Variants in IQCM observed in about 807,000 individuals in gnomAD.
IQCM encodes IQ domain-containing protein M.
IQCM carries 45 observed loss-of-function variants against 57.6 expected under a neutral mutation model. The ratio of observed to expected loss-of-function variants is 0.78; its 90% CI spans 0.62 to 1.00. The LOEUF is 1.00. IQCM is among the 50% of genes least tolerant of loss of function. IQCM has a pLI of 0.00. For synonymous variants in IQCM, 148 were observed against 158.9 expected (o/e 0.93, Z 0.51); for missense variants, 468 against 511.6 (o/e 0.91, Z 0.82).
intron 12 of IQCM, among the ~76,000 whole-genome samples, chr4:149,517,921 G>A (rs924544399): frequency 6.6e-6 from 1 of 152,128 alleles, no homozygotes; most frequent in Non-Finnish European, 1.5e-5. Flanking sequence ...CCTTGTGATT[G>A]TGTGAGTTAA....
chr4:149,764,040 G>T (rs1001288391), intron 2 of IQCM, among the ~76,000 whole-genome samples: 1 of 152,084 alleles, frequency 6.6e-6, no homozygotes, highest in Non-Finnish European at 1.5e-5. Flanking sequence ...CTGGAATCAA[G>T]TACTTGAATC....
At chr4:149,495,628 G>A (rs1046523449) in intron 12 of IQCM, among the ~76,000 whole-genome samples, 3 of 152,026 alleles carry the variant, frequency 2.0e-5, no homozygotes, top group South Asian at 2.1e-4. Flanking sequence ...CTGGGATGGC[G>A]AAAAAGCTAC....
At chr4:149,693,696 C>T (rs999067721) in intron 5 of IQCM, among the ~76,000 whole-genome samples, 2 of 152,124 alleles carry the variant, frequency 1.3e-5, no homozygotes, top group Non-Finnish European at 2.9e-5. Flanking sequence ...TCTAATTTAA[C>T]ATCACAGTAG....
At chr4:149,762,629 T>C (rs1303806129) in intron 2 of IQCM, among the ~76,000 whole-genome samples, 1 of 152,084 alleles carries the variant, frequency 6.6e-6, no homozygotes, top group Non-Finnish European at 1.5e-5. Context: ...AGACAATCAA[T>C]GCCAGGAGCG....
chr4:149,815,503 G>T (rs1318759827), intron 1 of IQCM, 97 bp downstream of exon 1: 1 of 150,136 alleles, frequency 6.7e-6, no homozygotes, highest in Middle Eastern at 3.2e-3. Context: ...AATTCCATGA[G>T]AAAAAAAAAT....
chr4:149,662,891 C>A (rs963805969), intron 7 of IQCM, among the ~76,000 whole-genome samples: 2 of 151,884 alleles, frequency 1.3e-5, no homozygotes, highest in African/African-American at 2.4e-5. Flanking sequence ...GGGATTTAAC[C>A]CATTTACATT....
chr4:149,414,147 T>A (rs1733583644), intron 13 of IQCM, among the ~76,000 whole-genome samples: 1 of 152,184 alleles, frequency 6.6e-6, no homozygotes, highest in Admixed American at 6.5e-5. Context: ...TTATTTATCA[T>A]CTCCTCTCTT....
intron 2 of IQCM, among the ~76,000 whole-genome samples, chr4:149,768,730 G>T (rs1770285319): frequency 6.6e-6 from 1 of 151,940 alleles, no homozygotes; most frequent in Non-Finnish European, 1.5e-5. Context: ...AGAGACCAAA[G>T]ATCATTAGGG....
At chr4:149,807,274 G>A (rs763937512) in intron 2 of IQCM, among the ~76,000 whole-genome samples, 3 of 151,756 alleles carry the variant, frequency 2.0e-5, no homozygotes, top group Admixed American at 6.6e-5. Flanking sequence ...AAAAAGCTAC[G>A]GTAATCAAAA....
At chr4:149,471,649 C>G (rs1739561663) in intron 12 of IQCM, among the ~76,000 whole-genome samples, 1 of 152,090 alleles carries the variant, frequency 6.6e-6, no homozygotes, top group Non-Finnish European at 1.5e-5. Context: ...GATACCAAAG[C>G]CTGGCAGAGA....
chr4:149,510,811 C>T (rs1438714366), intron 12 of IQCM, among the ~76,000 whole-genome samples: 1 of 152,018 alleles, frequency 6.6e-6, no homozygotes, highest in Non-Finnish European at 1.5e-5. Context: ...CATAGAGTGC[C>T]CTTCTCATCA....
intron 7 of IQCM, among the ~76,000 whole-genome samples, chr4:149,668,929 A>G (rs1760989920): frequency 6.6e-6 from 1 of 152,174 alleles, no homozygotes; most frequent in Non-Finnish European, 1.5e-5. Flanking sequence ...ATAGAGAGCA[A>G]GTACCTAAAT....
intron 8 of IQCM, among the ~76,000 whole-genome samples, chr4:149,608,659 C>T (rs977489765): frequency 6.6e-6 from 1 of 151,612 alleles, no homozygotes; most frequent in East Asian, 1.9e-4. Flanking sequence ...TCCCAAATGA[C>T]TAGTGGGTCA....
chr4:149,500,439 A>G (rs565926469), intron 12 of IQCM, among the ~76,000 whole-genome samples: 1 of 152,288 alleles, frequency 6.6e-6, no homozygotes, highest in Non-Finnish European at 1.5e-5. Context: ...ATTAACATTT[A>G]AGTGTATGAA....
intron 11 of IQCM, among the ~76,000 whole-genome samples, chr4:149,550,163 T>G (rs552071667): frequency 6.6e-6 from 1 of 152,304 alleles, no homozygotes; most frequent in Non-Finnish European, 1.5e-5. Flanking sequence ...AACCACTGAC[T>G]CAGGGGAGTT....
chr4:149,703,031 G>C (rs1403887748), intron 5 of IQCM, among the ~76,000 whole-genome samples: 3 of 151,868 alleles, frequency 2.0e-5, no homozygotes, highest in African/African-American at 7.2e-5. Context: ...AAGAAAAGCT[G>C]ATCAAGACGG....
intron 5 of IQCM, among the ~76,000 whole-genome samples, chr4:149,726,018 A>C (rs1765858234): frequency 6.6e-6 from 1 of 150,950 alleles, no homozygotes; most frequent in Admixed American, 6.6e-5. Flanking sequence ...TTAGGCAAAG[A>C]CAGTTTCTTC....
At chr4:149,768,342 C>T (rs547433396) in intron 2 of IQCM, among the ~76,000 whole-genome samples, 5 of 152,080 alleles carry the variant, frequency 3.3e-5, no homozygotes, top group Non-Finnish European at 5.9e-5. Flanking sequence ...AGTTAGAATT[C>T]GAAAATTTTA....
Position 149,386,886 on chromosome 4 carries a change from A to G in IQCM, c.1391-34820T>C, listed in dbSNP as rs575993488. Among the ~76,000 whole-genome samples the G allele has an allele frequency of 5.3e-5, 8 of 152,164 alleles. No homozygotes were observed. In the East Asian group the frequency reaches 1.5e-3, roughly 29 times the overall value. On this transcript the variant is annotated intron_variant, in intron 13 of 13. Coordinates refer to ENST00000636793, the MANE Select transcript of IQCM (RefSeq NM_001363507.2). ...TCAGCTGTCAGCTCAAAAGGTTTTA[A>G]TAGGTTCAGATTTAATATCTTTTTG...
Sources: allele counts gnomAD v4.1 joint callset (sites outside exome capture counted in the v4.1 genomes callset), GRCh38; gene constraint gnomAD v4.1.1; transcripts MANE v1.5; gene names NCBI Gene and HGNC (gene_info 2026-07-23, HGNC 2026-07-21).